Variants in SNTG1 observed in about 807,000 individuals in gnomAD.
SNTG1 encodes the protein gamma-1-syntrophin.
SNTG1 carries 39 observed loss-of-function variants against 74.7 expected under a neutral mutation model. That is an observed-to-expected ratio of 0.52 (90% confidence interval 0.40 to 0.68). The LOEUF (loss-of-function observed/expected upper bound fraction) is 0.68. SNTG1 is among the 30% of genes least tolerant of loss of function. The probability of loss-of-function intolerance (pLI) is 0.00; values close to 1 mark genes in which losing one functional copy is unlikely to be tolerated. For synonymous variants in SNTG1, 254 were observed against 217.1 expected, an observed-to-expected ratio of 1.17 and a Z score of -1.49; for missense variants, 685 against 609.5, an observed-to-expected ratio of 1.12 and a Z score of -1.30.
At chr8:50,261,235 G>A (rs2087177000) in intron 2 of SNTG1, among the ~76,000 whole-genome samples, 2 of 152,076 alleles carry the variant, frequency 1.3e-5, no homozygotes, top group South Asian at 4.1e-4. Flanking sequence ...ATGCAAGCAA[G>A]AAGAAAATCA....
intron 13 of SNTG1, among the ~76,000 whole-genome samples, chr8:50,647,386 G>A (rs2131210476): frequency 6.6e-6 from 1 of 151,810 alleles, no homozygotes; most frequent in South Asian, 2.1e-4. Context: ...CATCCAATTA[G>A]AAACAGGCAA....
At chr8:50,187,659 C>A (rs1221506634) in intron 2 of SNTG1, among the ~76,000 whole-genome samples, 1 of 152,080 alleles carries the variant, frequency 6.6e-6, no homozygotes, top group Non-Finnish European at 1.5e-5. Context: ...TGAGCATAAA[C>A]CAATGGTCAC....
rs1290117501 is a variant in SNTG1, at chr8:50,149,084, A to G, written c.-102-23477A>G. Among the ~76,000 whole-genome samples the G allele has an allele frequency of 4.6e-5, 7 of 152,174 alleles. No homozygotes were observed. In the East Asian group the frequency reaches 1.3e-3, roughly 29 times the overall value. On this transcript the variant is annotated intron_variant, in intron 1 of 18. Coordinates refer to ENST00000642720, the MANE Select transcript of SNTG1 (RefSeq NM_018967.5). ...TGTAGTTTCCTGACTCTTTATGATC[A>G]CCATTCTAACTGGTGTGAGATGGTA... is the stretch of plus-strand genomic sequence containing the variant.
At chr8:50,781,734 T>C (rs1036812477) in intron 18 of SNTG1, among the ~76,000 whole-genome samples, 4 of 152,234 alleles carry the variant, frequency 2.6e-5, no homozygotes, top group African/African-American at 9.6e-5. Flanking sequence ...TGTGTGAATT[T>C]GATCCTGTCA....
At chr8:50,430,436 A>C (rs2093220701) in intron 4 of SNTG1, among the ~76,000 whole-genome samples, 2 of 152,132 alleles carry the variant, frequency 1.3e-5, no homozygotes, top group Non-Finnish European at 1.5e-5. Flanking sequence ...CTTCTCTAAC[A>C]CAGAGAAACC....
At chr8:50,097,748 CTGAT>C (rs1034697123) in intron 1 of SNTG1, among the ~76,000 whole-genome samples, 2 of 152,066 alleles carry the variant, frequency 1.3e-5, no homozygotes, top group African/African-American at 2.4e-5. Context: ...TTTGTTGACT[CTGAT>C]TGAGAGTGAA....
chr8:50,414,475 C>T (rs2131414367), intron 4 of SNTG1, among the ~76,000 whole-genome samples: 1 of 152,108 alleles, frequency 6.6e-6, no homozygotes, highest in East Asian at 1.9e-4. Flanking sequence ...CGGTGCCTCT[C>T]CTGTCCTGCT....
chr8:50,220,748 T>G (rs2085023396), intron 2 of SNTG1, among the ~76,000 whole-genome samples: 1 of 152,206 alleles, frequency 6.6e-6, no homozygotes, highest in Admixed American at 6.5e-5. Context: ...TCTAGTTTTC[T>G]TAAGATACAT....
At chr8:50,266,935 G>A (rs909114969) in intron 2 of SNTG1, among the ~76,000 whole-genome samples, 9 of 151,712 alleles carry the variant, frequency 5.9e-5, no homozygotes, top group Non-Finnish European at 8.8e-5. Flanking sequence ...GTGTAGGAAC[G>A]TTAACAAGAT....
chr8:49,989,869 T>C (rs552018898), intron 1 of SNTG1, among the ~76,000 whole-genome samples: 2 of 152,042 alleles, frequency 1.3e-5, no homozygotes, highest in African/African-American at 4.8e-5. Flanking sequence ...ATGGAAGTAA[T>C]ATAAAAGAAA....
intron 2 of SNTG1, among the ~76,000 whole-genome samples, chr8:50,258,120 G>A (rs2086974313): frequency 6.6e-6 from 1 of 152,158 alleles, no homozygotes; most frequent in Non-Finnish European, 1.5e-5. Flanking sequence ...TGAAACAACA[G>A]CAGCAGCAAG....
At chr8:50,261,304 T>G (rs979662540) in intron 2 of SNTG1, among the ~76,000 whole-genome samples, 21 of 152,124 alleles carry the variant, frequency 1.4e-4, no homozygotes, top group African/African-American at 5.1e-4. Flanking sequence ...TCCATTCAAG[T>G]GAAATTATTC....
chr8:50,790,802 G>A (rs989981502), intron 18 of SNTG1, among the ~76,000 whole-genome samples: 1 of 151,800 alleles, frequency 6.6e-6, no homozygotes, highest in Non-Finnish European at 1.5e-5. Context: ...GACAAGGTGG[G>A]AGTAATTGAA....
At position 50,119,314 on chromosome 8, in the gene SNTG1, G is replaced by A. The variant is rs2080923173; in HGVS notation, c.-102-53247G>A. 2.2e-5 allele frequency among the ~76,000 whole-genome samples: 3 copies of A among 139,486 alleles called. No individual in the cohort carries two copies. The South Asian group carries it at 8.4e-4, about 39-fold the overall frequency. The allele number at this position is 139,486 out of a possible 152,430, so 91.5% of individuals were successfully genotyped here. A position where few individuals can be genotyped will look rare whatever the true frequency, so the allele number is the denominator to read the frequency against. ...TTAAACAATTTCAGGAACACACTCT[G>A]GTTGACATGGCCGGGAAATGGCCTC... On this transcript the variant is annotated intron_variant, in intron 1 of 18. Transcript: ENST00000642720.
intron 1 of SNTG1, among the ~76,000 whole-genome samples, chr8:50,148,441 G>T (rs563480088): frequency 1.1e-4 from 17 of 152,172 alleles, no homozygotes; most frequent in Middle Eastern, 6.8e-3. Context: ...AACTTCTAGG[G>T]TACATGTGCA....
At chr8:50,788,766 A>G (rs1467720618) in intron 18 of SNTG1, among the ~76,000 whole-genome samples, 1 of 151,974 alleles carries the variant, frequency 6.6e-6, no homozygotes, top group Non-Finnish European at 1.5e-5. Flanking sequence ...CCCACTTAAA[A>G]CACAGAATGA....
At chr8:50,632,227 A>T (rs931087478) in intron 13 of SNTG1, among the ~76,000 whole-genome samples, 6 of 152,098 alleles carry the variant, frequency 3.9e-5, no homozygotes, top group Non-Finnish European at 7.4e-5. Context: ...GAATTGGGGT[A>T]ATATATGATA....
intron 1 of SNTG1, among the ~76,000 whole-genome samples, chr8:49,944,637 G>A (rs1005835703): frequency 1.3e-5 from 2 of 149,452 alleles, no homozygotes; most frequent in Non-Finnish European, 3.0e-5. Context: ...TAAATGACGA[G>A]TTAATGGGTG....
At chr8:50,234,329 T>C (rs904446512) in intron 2 of SNTG1, among the ~76,000 whole-genome samples, 3 of 151,886 alleles carry the variant, frequency 2.0e-5, no homozygotes, top group African/African-American at 7.2e-5. Context: ...TGCCACTGAA[T>C]GACAAAAGGA....
Sources: allele counts gnomAD v4.1 joint callset (sites outside exome capture counted in the v4.1 genomes callset), GRCh38; gene constraint gnomAD v4.1.1; transcripts MANE v1.5; gene names NCBI Gene and HGNC (gene_info 2026-07-23, HGNC 2026-07-21).